Variants in PPTC7 observed in about 807,000 individuals in gnomAD.
PPTC7 encodes the protein protein phosphatase PTC7 homolog.
In PPTC7, 6 loss-of-function variants were observed where a neutral mutation model predicts 30.8. The observed-to-expected ratio is 0.19, with a 90% confidence interval of 0.11 to 0.38. The LOEUF (loss-of-function observed/expected upper bound fraction) is 0.38. Ranked by LOEUF, PPTC7 falls within the 10% of genes least tolerant of loss-of-function variation. The pLI, the probability that PPTC7 is intolerant of heterozygous loss-of-function variation, is 1.00. For synonymous variants in PPTC7, 163 were observed against 168.1 expected, an observed-to-expected ratio of 0.97 and a Z score of 0.23; for missense variants, 218 against 404.8, an observed-to-expected ratio of 0.54 and a Z score of 3.96.
intron 1 of PPTC7, among the ~76,000 whole-genome samples, chr12:110,580,461 C>T (rs185414019): frequency 5.9e-5 from 9 of 151,620 alleles, no homozygotes; most frequent in Admixed American, 5.2e-4. Context: ...GCCTCAGCCT[C>T]GCTAGTAGCT....
At chr12:110,571,106 C>A (rs1395693924) in intron 1 of PPTC7, among the ~76,000 whole-genome samples, 13 of 150,206 alleles carry the variant, frequency 8.7e-5, no homozygotes, top group South Asian at 4.2e-4. Context: ...CTACAGTCAG[C>A]CTTACGGTAA....
intron 1 of PPTC7, among the ~76,000 whole-genome samples, chr12:110,573,450 A>G (rs754097398): frequency 2.0e-5 from 3 of 152,200 alleles, no homozygotes; most frequent in Non-Finnish European, 4.4e-5. Flanking sequence ...GTCACACACT[A>G]TTAAAAACTC....
chr12:110,568,321 C>T (rs916038195), intron 1 of PPTC7, among the ~76,000 whole-genome samples: 2 of 150,292 alleles, frequency 1.3e-5, no homozygotes, highest in African/African-American at 2.5e-5. Flanking sequence ...GCCGCGATCT[C>T]GGCTCACTGC....
intron 1 of PPTC7, among the ~76,000 whole-genome samples, chr12:110,571,908 T>C (rs1332928946): frequency 1.3e-5 from 2 of 152,250 alleles, no homozygotes; most frequent in Non-Finnish European, 2.9e-5. Flanking sequence ...GAAACACTAA[T>C]GGTTCCATCA....
intron 1 of PPTC7, among the ~76,000 whole-genome samples, chr12:110,553,067 C>T (rs2064360694): frequency 6.6e-6 from 1 of 151,940 alleles, no homozygotes; most frequent in African/African-American, 2.4e-5. Flanking sequence ...ACTGAAATCC[C>T]AGCTACTCAG....
chr12:110,551,800 A>C lies in PPTC7; in HGVS notation c.392T>G (p.Val131Gly). Reference protein sequence around the residue: ...TSYCELLQNKVPLLGSSTACI... With the variant: ...TSYCELLQNKGPLLGSSTACI... ...AGATACCCACTTACCGAGCAAAGGG[A>C]CTTTATTTTGCAGCAACTCACAGTA... The change falls in exon 2 of 6, where the codon GTC (valine) becomes GGC (glycine). Residue 131 changes from valine to glycine, a missense_variant. Transcript: ENST00000354300. 1 of 1,613,538 alleles carries C rather than the reference A, an allele frequency of 6.2e-7. No individual in the cohort carries two copies. The highest frequency in any genetic ancestry group is 8.5e-7 in the Non-Finnish European group (1 of 1,179,530).
chr12:110,578,517 G>A (rs977884993), intron 1 of PPTC7, among the ~76,000 whole-genome samples: 12 of 152,146 alleles, frequency 7.9e-5, no homozygotes, highest in African/African-American at 2.9e-4. Context: ...ACAAAATGTT[G>A]TGAAGCACCA....
chr12:110,551,419 C>T (rs1350383565), intron 2 of PPTC7, among the ~76,000 whole-genome samples: 2 of 152,218 alleles, frequency 1.3e-5, no homozygotes, highest in Admixed American at 6.5e-5. Flanking sequence ...CATCTCGGCA[C>T]ACCGCAACAT....
rs751248203 is a variant in PPTC7, at chr12:110,579,838, C to T, written c.223+2971G>A. Among the ~76,000 whole-genome samples, 70 of 152,046 alleles carry T rather than the reference C, an allele frequency of 4.6e-4. 1 individual carries two copies. Among genetic ancestry groups the T allele is most frequent in the Admixed American group, 5.9e-4 (9 of 15,264 alleles). ...GTACAGCCTGGCCAACATGATGAAACCCCGTTTGTACTAAAAATACAAAAA... is the reference window on the plus strand; with the variant it reads ...GTACAGCCTGGCCAACATGATGAAATCCCGTTTGTACTAAAAATACAAAAA... On this transcript the variant is annotated intron_variant, in intron 1 of 5. Coordinates refer to ENST00000354300, the MANE Select transcript of PPTC7 (RefSeq NM_139283.2).
chr12:110,540,757 C>T (rs1166790831), intron 3 of PPTC7, among the ~76,000 whole-genome samples: 8 of 151,548 alleles, frequency 5.3e-5, no homozygotes, highest in South Asian at 4.2e-4. Context: ...TGATGAATAC[C>T]TGTGGAGAAC....
intron 2 of PPTC7, among the ~76,000 whole-genome samples, chr12:110,547,985 T>C (rs1565918684): frequency 6.6e-6 from 1 of 152,014 alleles, no homozygotes; most frequent in Non-Finnish European, 1.5e-5. Flanking sequence ...TGCACACCTG[T>C]AATCCCAGCT....
intron 1 of PPTC7, among the ~76,000 whole-genome samples, chr12:110,574,141 TAAAAAAAAAAAAAA>T (rs58133391): frequency 1.7e-3 from 64 of 37,460 alleles, no homozygotes; most frequent in Admixed American, 0.011. Context: ...CCACAATAAT[TAAAAAAAAAAAAAA>T]AAAAAAAAAA....
chr12:110,551,744 T>A, intron 2 of PPTC7, 45 bp downstream of exon 2: 1 of 1,552,494 alleles, frequency 6.4e-7, no homozygotes, highest in Non-Finnish European at 8.8e-7. Flanking sequence ...TTTTTAACTA[T>A]CTAGGGGGCT....
chr12:110,537,838 G>A (rs1023520451), intron 5 of PPTC7, among the ~76,000 whole-genome samples: 5 of 152,220 alleles, frequency 3.3e-5, no homozygotes, highest in Non-Finnish European at 7.3e-5. Flanking sequence ...GAATGTCCAC[G>A]CACTCTGGGC....
At position 110,538,281 on chromosome 12, in the gene PPTC7, A is replaced by G; in HGVS notation, c.727-8T>C. On this transcript the variant is annotated splice_polypyrimidine_tract_variant and splice_region_variant and intron_variant, in intron 4 of 5. Coordinates refer to ENST00000354300, the MANE Select transcript of PPTC7 (RefSeq NM_139283.2). ...ACTCTCATAATTTGAATTCTAAGATAAAGCATGAGGAAGTTATTTTACCAT... is the reference window on the plus strand; with the variant it reads ...ACTCTCATAATTTGAATTCTAAGATGAAGCATGAGGAAGTTATTTTACCAT... 6.2e-7 allele frequency: 1 copy of G among 1,613,176 alleles called. No individual in the cohort carries two copies. Among genetic ancestry groups the G allele is most frequent in the Non-Finnish European group, 8.5e-7 (1 of 1,179,198 alleles).
chr12:110,533,834 A>G lies in PPTC7; in HGVS notation c.*3203T>C, dbSNP rs1273761743. Reference sequence around the variant, plus strand: ...AACTTGTTACTTGGTATGGTGGGCTAATGGTACTGAAGGTGGTTTCCATCT... The same window carrying G: ...AACTTGTTACTTGGTATGGTGGGCTGATGGTACTGAAGGTGGTTTCCATCT... On this transcript the variant is annotated 3_prime_UTR_variant, in exon 6 of 6. Coordinates refer to ENST00000354300, the MANE Select transcript of PPTC7 (RefSeq NM_139283.2). The G allele has an allele frequency of 6.6e-6, 1 of 152,202 alleles. No individual in the cohort carries two copies. The highest frequency in any genetic ancestry group is 1.5e-5 in the Non-Finnish European group (1 of 68,042). 9.4% of individuals were successfully genotyped at this position (152,202 alleles called of 1,614,324 possible).
At chr12:110,578,276 T>C (rs572970784) in intron 1 of PPTC7, among the ~76,000 whole-genome samples, 1 of 152,310 alleles carries the variant, frequency 6.6e-6, no homozygotes, top group Admixed American at 6.5e-5. Flanking sequence ...CATATTTTTG[T>C]GCACCTAGGA....
At chr12:110,537,837 C>T (rs934307603) in intron 5 of PPTC7, among the ~76,000 whole-genome samples, 4 of 152,240 alleles carry the variant, frequency 2.6e-5, no homozygotes, top group Admixed American at 6.5e-5. Context: ...GGAATGTCCA[C>T]GCACTCTGGG....
chr12:110,570,322 CA>C (rs1416493616), intron 1 of PPTC7, among the ~76,000 whole-genome samples: 1 of 101,332 alleles, frequency 9.9e-6, no homozygotes, highest in African/African-American at 4.7e-5. Context: ...CCCAGGGACA[CA>C]AAAACTGCGG....
Sources: allele counts gnomAD v4.1 joint callset (sites outside exome capture counted in the v4.1 genomes callset), GRCh38; gene constraint gnomAD v4.1.1; transcripts MANE v1.5; gene names NCBI Gene and HGNC (gene_info 2026-07-23, HGNC 2026-07-21).